The following KIF13A variants were observed in gnomAD, a reference collection of about 807,000 sequenced individuals.
The protein encoded by KIF13A is kinesin family member 13A, also known as kinesin-like protein KIF13A.
A neutral mutation model predicts 212.2 loss-of-function variants in KIF13A; 79 were observed. The observed-to-expected ratio is 0.37, with a 90% CI of 0.31 to 0.45. KIF13A has a LOEUF of 0.45. KIF13A is among the 20% of genes least tolerant of loss of function. The pLI is 1.00. For missense variants in KIF13A, 1,901 were observed against 2,209.0 expected (o/e 0.86, Z 2.79); for synonymous variants, 789 against 808.6 (o/e 0.98, Z 0.41).
intron 20 of KIF13A, among the ~76,000 whole-genome samples, chr6:17,802,373 C>G (rs1762541387): frequency 6.6e-6 from 1 of 150,938 alleles, no homozygotes; most frequent in African/African-American, 2.4e-5. Context: ...CTCACAGCAA[C>G]CTCCGCCTCC....
At chr6:17,973,078 T>C (rs193194208) in intron 2 of KIF13A, among the ~76,000 whole-genome samples, 30 of 152,316 alleles carry the variant, frequency 2.0e-4, no homozygotes, top group Admixed American at 1.6e-3. Context: ...ATATTGGAGA[T>C]GAACTGGAGT....
intron 18 of KIF13A, among the ~76,000 whole-genome samples, chr6:17,806,826 C>T (rs146307714): frequency 0.016 from 2,494 of 152,194 alleles, 79 homozygotes; most frequent in African/African-American, 0.056. Flanking sequence ...TTGTAGTGAG[C>T]CAAGATCATG....
intron 16 of KIF13A, chr6:17,821,883 C>G (rs1764486526): frequency 1.3e-6 from 2 of 1,535,260 alleles, no homozygotes; most frequent in African/African-American, 2.7e-5. Context: ...ACCAGGCAGA[C>G]AGGCTTATTA....
chr6:17,965,324 G>A (rs956945175), intron 2 of KIF13A, among the ~76,000 whole-genome samples: 2 of 149,004 alleles, frequency 1.3e-5, no homozygotes, highest in Non-Finnish European at 3.0e-5. Context: ...CAACCATCTA[G>A]CCATACAAAC....
Position 17,777,832 on chromosome 6 carries a change from A to G in KIF13A, c.4093-478T>C, listed in dbSNP as rs12526197. ...TTATTATTTGTTTAGCAATTTATCAAAAATATTTTTTTTAAGATAAATAAA... is the reference window on the plus strand; with the variant it reads ...TTATTATTTGTTTAGCAATTTATCAGAAATATTTTTTTTAAGATAAATAAA... On this transcript the variant is annotated intron_variant, in intron 33 of 38. Coordinates refer to ENST00000259711, the MANE Select transcript of KIF13A (RefSeq NM_022113.6). The surrounding 1 kb of genome is among the most constrained non-coding windows in gnomAD (Gnocchi z 4.4). 0.2 allele frequency among the ~76,000 whole-genome samples: 26,362 copies of G among 128,844 alleles called. 2,590 individuals are homozygous for G. Among genetic ancestry groups the G allele is most frequent in the Admixed American group, 0.33 (4,063 of 12,420 alleles). 84.5% of individuals were successfully genotyped at this position (128,844 alleles called of 152,430 possible). A position where few individuals can be genotyped will look rare whatever the true frequency, so the allele number is the denominator to read the frequency against.
At chr6:17,805,855 A>C (rs569479026) in intron 18 of KIF13A, among the ~76,000 whole-genome samples, 2 of 151,934 alleles carry the variant, frequency 1.3e-5, no homozygotes, top group South Asian at 4.2e-4. Context: ...TTCATACCCC[A>C]ATCCTCTCTC....
intron 4 of KIF13A, among the ~76,000 whole-genome samples, chr6:17,859,283 G>A (rs2150411015): frequency 6.6e-6 from 1 of 152,006 alleles, no homozygotes; most frequent in Non-Finnish European, 1.5e-5. Context: ...TAAATGAAAT[G>A]ATCAAAGAAC....
At chr6:17,962,962 ATC>A (rs759121452) in intron 2 of KIF13A, among the ~76,000 whole-genome samples, 11 of 152,214 alleles carry the variant, frequency 7.2e-5, no homozygotes, top group Admixed American at 2.6e-4. Context: ...TTAGACTCAG[ATC>A]TGTCTGTCCC....
chr6:17,936,605 G>A (rs1162533459), intron 2 of KIF13A, among the ~76,000 whole-genome samples: 1 of 152,184 alleles, frequency 6.6e-6, no homozygotes, highest in Non-Finnish European at 1.5e-5. Context: ...CTGGTGCCAA[G>A]CATTTTACAC....
intron 9 of KIF13A, among the ~76,000 whole-genome samples, chr6:17,845,075 A>G (rs897420968): frequency 5.9e-5 from 9 of 152,202 alleles, no homozygotes; most frequent in Non-Finnish European, 1.0e-4. Context: ...AGGCCTCACA[A>G]TCATGACAGA....
In KIF13A at chr6:17,951,908, T is replaced by C. The variant is rs1777876555; in HGVS notation, c.146+35146A>G. On this transcript the variant is annotated intron_variant, in intron 2 of 38. Transcript: ENST00000259711. This position sits in a 1 kb window ranked among gnomAD's most constrained non-coding sequence, Gnocchi z 4.9. ...TCTTTTTTCTTAAAAGAATTTTTTG[T>C]AGCCTTCCAAAAAATACCTTTATTT... Among the ~76,000 whole-genome samples the C allele has an allele frequency of 6.6e-6, 1 of 152,256 alleles. No homozygotes were observed. Among genetic ancestry groups the C allele is most frequent in the South Asian group, 2.1e-4 (1 of 4,836 alleles).
rs746457444 is a variant in KIF13A at position 17,764,261 on chromosome 6, C to T, written c.5267G>A (p.Gly1756Glu). 6.2e-7 allele frequency: 1 copy of T among 1,614,012 alleles called. No homozygotes were observed. The highest frequency in any genetic ancestry group is 1.7e-5 in the Admixed American group (1 of 60,022). The change falls in exon 39 of 39, where the codon GGA (glycine) becomes GAA (glutamate). Residue 1756 changes from glycine (G) to glutamate (E), a missense_variant. Gly to Glu is a moderately conservative substitution (Grantham distance 98). Around this residue, in one of 5 missense-constraint regions of KIF13A, gnomAD observed 687 missense variants for 759.1 expected, o/e 0.90. Transcript: ENST00000259711. This position sits in a 1 kb window ranked among gnomAD's most constrained non-coding sequence, Gnocchi z 5.1. ...TAGACTCCTCCTACTGGAAAGCTCT[C>T]CAGCAGAAGAATCTGTCAAACCATC... ...DFDGLTDSSAGELSSRRSLPN... is the reference protein window; with the variant it reads ...DFDGLTDSSAEELSSRRSLPN...
intron 16 of KIF13A, among the ~76,000 whole-genome samples, chr6:17,823,882 T>C (rs1422215945): frequency 6.6e-6 from 1 of 151,342 alleles, no homozygotes; most frequent in Non-Finnish European, 1.5e-5. Context: ...GGATTACAGA[T>C]GTGAGCCACC....
chr6:17,935,398 T>C (rs1490518332), intron 2 of KIF13A, among the ~76,000 whole-genome samples: 5 of 152,084 alleles, frequency 3.3e-5, no homozygotes, highest in Non-Finnish European at 5.9e-5. Context: ...GGTCCCTACC[T>C]GGCCCCCACC....
At chr6:17,879,264 G>T (rs1036106287) in intron 3 of KIF13A, among the ~76,000 whole-genome samples, 1 of 152,116 alleles carries the variant, frequency 6.6e-6, no homozygotes, top group Non-Finnish European at 1.5e-5. Flanking sequence ...CTCCATGGCA[G>T]CAGGAACTAT....
chr6:17,910,564 A>C (rs1253445317), intron 2 of KIF13A, among the ~76,000 whole-genome samples: 1 of 149,328 alleles, frequency 6.7e-6, no homozygotes, highest in African/African-American at 2.5e-5. Context: ...ATAGTAAGAC[A>C]ATTTTTTTTA....
intron 2 of KIF13A, among the ~76,000 whole-genome samples, chr6:17,908,545 A>C (rs1773735297): frequency 1.3e-5 from 2 of 152,192 alleles, no homozygotes; most frequent in Non-Finnish European, 2.9e-5. Flanking sequence ...TTGAGGCTGC[A>C]GTGAGCCATG....
rs1766693072 is a variant in KIF13A, at chr6:17,843,238, T to G, written c.831-5655A>C. On this transcript the variant is annotated intron_variant, in intron 9 of 38. Transcript: ENST00000259711. The surrounding 1 kb of genome is among the most constrained non-coding windows in gnomAD (Gnocchi z 5.3). ...TCTAGATTCAGTGAAGACCAAAACA[T>G]GGACCTCTGTTTAAAAAGGACTAAT... Among the ~76,000 whole-genome samples the G allele has an allele frequency of 6.6e-6, 1 of 152,174 alleles. No homozygotes were observed.
chr6:17,916,385 C>A (rs900499350), intron 2 of KIF13A, among the ~76,000 whole-genome samples: 1 of 152,162 alleles, frequency 6.6e-6, no homozygotes, highest in Non-Finnish European at 1.5e-5. Context: ...TCCTATAACG[C>A]CTGTTACCTT....
Sources: allele counts gnomAD v4.1 joint callset (sites outside exome capture counted in the v4.1 genomes callset), GRCh38; gene constraint gnomAD v4.1.1; regional missense constraint gnomAD v4.1.1; non-coding constraint Gnocchi (gnomAD v3.1); transcripts MANE v1.5; gene names NCBI Gene and HGNC (gene_info 2026-07-23, HGNC 2026-07-21).